Variants in RORA observed in about 807,000 individuals in gnomAD.
RORA encodes RAR related orphan receptor A.
RORA carries 7 observed loss-of-function variants against 69.5 expected under a neutral mutation model. That is an observed-to-expected ratio of 0.10 (90% confidence interval 0.06 to 0.19). RORA has a LOEUF of 0.19. Ranked by LOEUF, RORA falls within the 10% of genes least tolerant of loss-of-function variation. The pLI is 1.00. For synonymous variants in RORA, 261 were observed against 240.8 expected (o/e 1.08, Z -0.78); for missense variants, 457 against 663.0 (o/e 0.69, Z 3.41).
At chr15:60,563,705 C>T (rs1043637412) in intron 2 of RORA, among the ~76,000 whole-genome samples, 4 of 152,062 alleles carry the variant, frequency 2.6e-5, no homozygotes, top group Non-Finnish European at 4.4e-5. Context: ...TCTTAGGAAA[C>T]GGGCTCCCCA....
chr15:61,073,701 C>A (rs2078404557), intron 1 of RORA, among the ~76,000 whole-genome samples: 1 of 152,320 alleles, frequency 6.6e-6, no homozygotes, highest in Non-Finnish European at 1.5e-5. Context: ...CTTGCCTTCC[C>A]AAGCTACTTC....
chr15:60,714,064 T>G (rs559006438), intron 1 of RORA, among the ~76,000 whole-genome samples: 86 of 152,090 alleles, frequency 5.7e-4, no homozygotes, highest in Admixed American at 3.0e-3. Context: ...CTCTCTTTTT[T>G]TTTTTTCGAG....
intron 1 of RORA, among the ~76,000 whole-genome samples, chr15:60,876,520 AT>A (rs1170115799): frequency 2.0e-5 from 3 of 152,086 alleles, no homozygotes; most frequent in African/African-American, 7.2e-5. Flanking sequence ...ACCTTCACAC[AT>A]TTTTTTAAAA....
At chr15:60,842,691 C>A (rs536628830) in intron 1 of RORA, among the ~76,000 whole-genome samples, 2 of 151,068 alleles carry the variant, frequency 1.3e-5, no homozygotes, top group Admixed American at 6.6e-5. Flanking sequence ...TGCTGTCACA[C>A]CCCTCCCCCG....
At position 60,850,898 on chromosome 15, in the gene RORA, G is replaced by A. The variant is rs990108634; in HGVS notation, c.167-172212C>T. Among the ~76,000 whole-genome samples, 5 of 152,154 alleles carry A rather than the reference G, an allele frequency of 3.3e-5. No individual in the cohort carries two copies. In the East Asian group the frequency reaches 9.6e-4, roughly 29 times the overall value. ...ATTACGTGAACACAGGGACAACAACGAAAACAAGACTGCTTTCTGAAAAGC... is the reference window on the plus strand; with the variant it reads ...ATTACGTGAACACAGGGACAACAACAAAAACAAGACTGCTTTCTGAAAAGC... On this transcript the variant is annotated intron_variant, in intron 1 of 10. Coordinates refer to ENST00000335670, the MANE Select transcript of RORA (RefSeq NM_134261.3).
At chr15:60,925,587 CT>C (rs1371319816) in intron 1 of RORA, among the ~76,000 whole-genome samples, 1 of 152,232 alleles carries the variant, frequency 6.6e-6, no homozygotes, top group Non-Finnish European at 1.5e-5. Context: ...TGTCATGGAG[CT>C]TTGGCCCAGC....
At chr15:61,031,519 G>A (rs1896168247) in intron 1 of RORA, among the ~76,000 whole-genome samples, 1 of 152,186 alleles carries the variant, frequency 6.6e-6, no homozygotes, top group Admixed American at 6.6e-5. Context: ...ATGTGGTTGT[G>A]TGTATGTTCT....
At chr15:60,627,318 C>A in intron 2 of RORA, 1 of 1,614,152 alleles carries the variant, frequency 6.2e-7, no homozygotes, top group East Asian at 2.2e-5. Flanking sequence ...CCATGATTGA[C>A]CACGGCACTC....
intron 1 of RORA, among the ~76,000 whole-genome samples, chr15:61,066,090 G>C (rs1240637237): frequency 6.6e-6 from 1 of 152,068 alleles, no homozygotes; most frequent in Non-Finnish European, 1.5e-5. Flanking sequence ...TGGTTTTTAT[G>C]ATTGTAAAGA....
chr15:61,132,947 G>A lies in RORA; in HGVS notation c.166+96106C>T, dbSNP rs558927063. 1.4e-4 allele frequency among the ~76,000 whole-genome samples: 21 copies of A among 152,166 alleles called. No individual in the cohort carries two copies. The South Asian group carries it at 3.7e-3, about 27-fold the overall frequency. Reference sequence around the variant, plus strand: ...CTCTTTGTATCAAAATGGAACACTCGACTGTTGTGAAATCTGGCGGTTAAT... The same window carrying A: ...CTCTTTGTATCAAAATGGAACACTCAACTGTTGTGAAATCTGGCGGTTAAT... On this transcript the variant is annotated intron_variant, in intron 1 of 10. Coordinates refer to ENST00000335670, the MANE Select transcript of RORA (RefSeq NM_134261.3).
At chr15:60,685,030 G>C (rs2140762007) in intron 1 of RORA, among the ~76,000 whole-genome samples, 1 of 152,262 alleles carries the variant, frequency 6.6e-6, no homozygotes, top group South Asian at 2.1e-4. Context: ...TGGGGCACAG[G>C]ATATAGTACC....
intron 1 of RORA, among the ~76,000 whole-genome samples, chr15:60,989,593 C>T (rs774612032): frequency 5.9e-5 from 9 of 152,244 alleles, no homozygotes; most frequent in Non-Finnish European, 1.2e-4. Context: ...TGCTGCTTTA[C>T]GTCTGCTTTA....
intron 1 of RORA, among the ~76,000 whole-genome samples, chr15:61,045,950 C>T (rs75269389): frequency 4.6e-5 from 7 of 152,206 alleles, no homozygotes; most frequent in African/African-American, 7.2e-5. Context: ...TGTCTCCTGG[C>T]AGTCTCCCCC....
chr15:60,692,768 A>C (rs746894638), intron 1 of RORA, among the ~76,000 whole-genome samples: 36 of 152,208 alleles, frequency 2.4e-4, no homozygotes, highest in Non-Finnish European at 1.0e-4. Flanking sequence ...GGCTGGCTGG[A>C]AAACTTTAAA....
intron 1 of RORA, among the ~76,000 whole-genome samples, chr15:60,742,942 G>A (rs975433610): frequency 2.0e-5 from 3 of 151,154 alleles, no homozygotes; most frequent in African/African-American, 7.3e-5. Flanking sequence ...GAATAATTCT[G>A]CAATGAAAAT....
intron 1 of RORA, among the ~76,000 whole-genome samples, chr15:61,111,419 T>A (rs576043404): frequency 2.7e-4 from 41 of 152,208 alleles, no homozygotes; most frequent in Non-Finnish European, 5.6e-4. Flanking sequence ...TCTTTTCAAA[T>A]AACATTGATT....
chr15:61,168,111 T>C (rs967956837), intron 1 of RORA, among the ~76,000 whole-genome samples: 2 of 150,478 alleles, frequency 1.3e-5, no homozygotes, highest in Non-Finnish European at 1.5e-5. Context: ...AATGTATATA[T>C]ATAATATATA....
chr15:60,743,771 G>T (rs2071610418), intron 1 of RORA, among the ~76,000 whole-genome samples: 1 of 152,232 alleles, frequency 6.6e-6, no homozygotes, highest in Non-Finnish European at 1.5e-5. Flanking sequence ...CTTGGTGAAG[G>T]TTAGCAGTCA....
chr15:60,494,949 C>A lies in RORA; in HGVS notation c.*2506G>T, dbSNP rs1312411681. On this transcript the variant is annotated 3_prime_UTR_variant, in exon 11 of 11. Transcript: ENST00000335670. ...AATTAGCTTTTATTATTTCACAAATCGACACTGGAATTAGGTTTAGTTGCT... is the reference window on the plus strand; with the variant it reads ...AATTAGCTTTTATTATTTCACAAATAGACACTGGAATTAGGTTTAGTTGCT... 2.0e-5 allele frequency: 3 copies of A among 152,126 alleles called. No homozygotes were observed. The highest frequency in any genetic ancestry group is 7.2e-5 in the African/African-American group (3 of 41,424). The allele number at this position is 152,126 out of a possible 1,614,324, so 9.4% of individuals were successfully genotyped here.
Sources: gnomAD v4.1 joint callset for allele counts (sites outside exome capture counted in the v4.1 genomes callset) on GRCh38, gnomAD v4.1.1 for gene constraint, MANE v1.5 for transcripts, NCBI Gene and HGNC (gene_info 2026-07-23, HGNC 2026-07-21) for gene names.